Variants in SMYD3 observed in about 807,000 individuals in gnomAD.
SMYD3 encodes SET and MYND domain containing 3, also known as histone-lysine N-methyltransferase SMYD3.
A neutral mutation model predicts 57.7 loss-of-function variants in SMYD3; 36 were observed. That is an observed-to-expected ratio of 0.62 (90% CI 0.48 to 0.82). The LOEUF (loss-of-function observed/expected upper bound fraction) is 0.82. Ranked by LOEUF, SMYD3 falls within the 40% of genes least tolerant of loss-of-function variation. The pLI is 0.00. For synonymous variants in SMYD3, 211 were observed against 195.0 expected (o/e 1.08, Z -0.68); for missense variants, 515 against 538.8 (o/e 0.96, Z 0.44).
intron 7 of SMYD3, 115 bp downstream of exon 7, chr1:245,927,816 G>T: frequency 1.4e-6 from 1 of 730,586 alleles, no homozygotes; most frequent in Non-Finnish European, 2.3e-6. Context: ...ACTCTCACTG[G>T]CAGAAGGACA....
intron 1 of SMYD3, among the ~76,000 whole-genome samples, chr1:246,478,446 TGCACACCTGTCCTCTGTCCTGGAGCTG>T: frequency 6.9e-6 from 1 of 144,116 alleles, no homozygotes; most frequent in African/African-American, 2.6e-5. Context: ...TGCTCATATA[TGCACACCTGTCCTCTGTCCTGGAGCTG>T]GTACATAGGT....
chr1:246,337,963 A>G (rs1405404370), intron 2 of SMYD3, among the ~76,000 whole-genome samples: 1 of 38,922 alleles, frequency 2.6e-5, no homozygotes, highest in African/African-American at 1.6e-4. Context: ...CATAATTGAT[A>G]TAGAGCTCCT....
chr1:246,373,999 A>C (rs1465421202), intron 1 of SMYD3, among the ~76,000 whole-genome samples: 3 of 152,178 alleles, frequency 2.0e-5, no homozygotes, highest in Non-Finnish European at 2.9e-5. Context: ...AATTAGAAAC[A>C]CAGTGGGCAC....
chr1:245,874,068 G>A (rs1297035397), intron 8 of SMYD3, among the ~76,000 whole-genome samples: 1 of 152,184 alleles, frequency 6.6e-6, no homozygotes, highest in Non-Finnish European at 1.5e-5. Flanking sequence ...GTTTGTGATT[G>A]TGCAACAAAT....
At chr1:246,279,645 T>C (rs1312713791) in intron 5 of SMYD3, among the ~76,000 whole-genome samples, 1 of 152,210 alleles carries the variant, frequency 6.6e-6, no homozygotes, top group African/African-American at 2.4e-5. Flanking sequence ...CTATAACATA[T>C]TTAGCAGGAA....
At chr1:246,383,609 A>G (rs2148755620) in intron 1 of SMYD3, among the ~76,000 whole-genome samples, 1 of 152,350 alleles carries the variant, frequency 6.6e-6, no homozygotes, top group African/African-American at 2.4e-5. Context: ...GCAGGCAGCA[A>G]GAGGTAATAC....
intron 5 of SMYD3, among the ~76,000 whole-genome samples, chr1:246,022,553 G>A (rs1002476782): frequency 5.9e-5 from 9 of 152,118 alleles, no homozygotes; most frequent in Admixed American, 3.3e-4. Flanking sequence ...TGACATATAC[G>A]AGCTCAATAA....
chr1:246,389,568 G>T (rs2066525718), intron 1 of SMYD3, among the ~76,000 whole-genome samples: 1 of 65,078 alleles, frequency 1.5e-5, no homozygotes, highest in Non-Finnish European at 3.0e-5. Flanking sequence ...GTTTCTAGAG[G>T]ACCTCCTTGT....
intron 10 of SMYD3, among the ~76,000 whole-genome samples, chr1:245,814,941 C>G (rs1029898260): frequency 2.0e-5 from 3 of 152,046 alleles, no homozygotes; most frequent in Non-Finnish European, 2.9e-5. Flanking sequence ...ATCTTCCTCA[C>G]AAAACACACA....
chr1:246,081,540 G>A (rs1013080874), intron 5 of SMYD3, among the ~76,000 whole-genome samples: 1 of 152,098 alleles, frequency 6.6e-6, no homozygotes, highest in African/African-American at 2.4e-5. Flanking sequence ...CTACAGGCCT[G>A]CACCATGTCA....
At chr1:246,503,513 G>C (rs4534347) in intron 1 of SMYD3, among the ~76,000 whole-genome samples, 27,397 of 152,156 alleles carry the variant, frequency 0.18, 2,587 homozygotes, top group African/African-American at 0.22. Flanking sequence ...CTACACTAGG[G>C]AGTGAGAAGG....
intron 1 of SMYD3, among the ~76,000 whole-genome samples, chr1:246,393,313 T>C (rs60997120): frequency 6.6e-6 from 1 of 152,324 alleles, no homozygotes; most frequent in East Asian, 1.9e-4. Flanking sequence ...TTGACCATTA[T>C]AATCCAGTTA....
At chr1:246,000,106 G>C (rs1258940726) in intron 5 of SMYD3, among the ~76,000 whole-genome samples, 2 of 152,202 alleles carry the variant, frequency 1.3e-5, no homozygotes, top group Non-Finnish European at 2.9e-5. Context: ...CTCTTGCCTA[G>C]TTTCTCAGAA....
intron 5 of SMYD3, among the ~76,000 whole-genome samples, chr1:246,287,140 A>T (rs896490472): frequency 4.6e-5 from 7 of 152,186 alleles, no homozygotes; most frequent in Non-Finnish European, 4.4e-5. Context: ...CCAAAGTGCA[A>T]GGATTATAGG....
intron 1 of SMYD3, among the ~76,000 whole-genome samples, chr1:246,374,999 A>T (rs1416233076): frequency 2.0e-5 from 3 of 152,206 alleles, no homozygotes; most frequent in African/African-American, 7.2e-5. Context: ...AGGCTGAGGC[A>T]GAAGAATTGC....
At chr1:246,486,446 A>C (rs1426851920) in intron 1 of SMYD3, among the ~76,000 whole-genome samples, 3 of 152,168 alleles carry the variant, frequency 2.0e-5, no homozygotes, top group African/African-American at 7.2e-5. Context: ...CCCCACTCCA[A>C]TTCTTGAATT....
intron 5 of SMYD3, among the ~76,000 whole-genome samples, chr1:246,163,347 T>C (rs976801904): frequency 1.1e-4 from 16 of 152,230 alleles, no homozygotes; most frequent in African/African-American, 3.9e-4. Flanking sequence ...GTTCACGTCT[T>C]TATAACACTG....
chr1:246,465,167 A>G (rs2067862652), intron 1 of SMYD3, among the ~76,000 whole-genome samples: 1 of 152,226 alleles, frequency 6.6e-6, no homozygotes, highest in Non-Finnish European at 1.5e-5. Context: ...AGATGCTACT[A>G]TCCTTCAAGA....
chr1:246,467,808 G>C (rs1034553680), intron 1 of SMYD3, among the ~76,000 whole-genome samples: 1 of 152,120 alleles, frequency 6.6e-6, no homozygotes, highest in Non-Finnish European at 1.5e-5. Context: ...CACAATAAAA[G>C]AAGAAAATTA....
Sources: gnomAD v4.1 joint callset for allele counts (sites outside exome capture counted in the v4.1 genomes callset) on GRCh38, gnomAD v4.1.1 for gene constraint, MANE v1.5 for transcripts, NCBI Gene and HGNC (gene_info 2026-07-23, HGNC 2026-07-21) for gene names.